The following INPP4B variants were observed in gnomAD, a reference collection of about 807,000 sequenced individuals.
INPP4B encodes inositol polyphosphate 4-phosphatase type II.
INPP4B carries 55 observed loss-of-function variants against 122.5 expected under a neutral mutation model. That is an observed-to-expected ratio of 0.45 (90% CI 0.36 to 0.56). The LOEUF is 0.56. Among genes scored for constraint, INPP4B ranks in the 20% least tolerant of loss-of-function variants. The pLI, the probability that INPP4B is intolerant of heterozygous loss-of-function variation, is 0.00. For missense variants in INPP4B, 1,000 were observed against 1,097.7 expected, an observed-to-expected ratio of 0.91 and a Z score of 1.26; for synonymous variants, 403 against 388.7, an observed-to-expected ratio of 1.04 and a Z score of -0.43.
At chr4:142,245,873 CATATATATGTGTATGTATACATAT>C (rs1727991346) in intron 11 of INPP4B, among the ~76,000 whole-genome samples, 1 of 27,148 alleles carries the variant, frequency 3.7e-5, no homozygotes, top group African/African-American at 9.6e-5. Context: ...TGTATGTATA[CATATATATGTGTATGTATACATAT>C]ATGTGTATGT....
intron 2 of INPP4B, among the ~76,000 whole-genome samples, chr4:142,610,729 T>TA (rs1277496540): frequency 6.6e-6 from 1 of 152,212 alleles, no homozygotes; most frequent in African/African-American, 2.4e-5. Flanking sequence ...ATATTGATCT[T>TA]AAACTTATTA....
chr4:142,316,361 G>A (rs1767656002), intron 7 of INPP4B, among the ~76,000 whole-genome samples: 1 of 152,132 alleles, frequency 6.6e-6, no homozygotes, highest in Non-Finnish European at 1.5e-5. Context: ...GTCATCAGCT[G>A]GCCTCAAAGG....
At chr4:142,233,036 A>T (rs927901593) in intron 12 of INPP4B, among the ~76,000 whole-genome samples, 2 of 152,198 alleles carry the variant, frequency 1.3e-5, no homozygotes, top group African/African-American at 4.8e-5. Context: ...CCCTCCTCAT[A>T]ACATAAAAGT....
rs542154654 is a variant in INPP4B, at chr4:142,803,848, GGACTTCGAAACCAGCCTGGCCAA to G, written c.-254+42338_-254+42360del. ...GAGACAGGCGGATCACATGAGGTCA[GGACTTCGAAACCAGCCTGGCCAA>G]GACGGTGAAATCCCGTCTCTACTAA... On this transcript the variant is annotated intron_variant, in intron 1 of 25. Transcript: ENST00000262992. Among the ~76,000 whole-genome samples the G allele has an allele frequency of 5.9e-5, 9 of 152,070 alleles. No homozygotes were observed. The South Asian group carries it at 1.9e-3, about 32-fold the overall frequency.
At chr4:142,628,364 G>A (rs1747035496) in intron 2 of INPP4B, among the ~76,000 whole-genome samples, 2 of 138,700 alleles carry the variant, frequency 1.4e-5, no homozygotes, top group Admixed American at 1.5e-4. Context: ...TGAACAATGA[G>A]ATCACATGGA....
intron 2 of INPP4B, among the ~76,000 whole-genome samples, chr4:142,492,633 CT>C (rs1015407352): frequency 3.3e-5 from 5 of 152,130 alleles, no homozygotes; most frequent in Non-Finnish European, 7.4e-5. Context: ...CATTTTGCCC[CT>C]GCCCTAGAGA....
chr4:142,459,823 T>C (rs1035915529), intron 3 of INPP4B, among the ~76,000 whole-genome samples: 2 of 152,226 alleles, frequency 1.3e-5, no homozygotes, highest in African/African-American at 2.4e-5. Flanking sequence ...CTTAGCAGCA[T>C]GCAAAGTTCT....
At chr4:142,596,788 C>A (rs1418987155) in intron 2 of INPP4B, among the ~76,000 whole-genome samples, 1 of 152,190 alleles carries the variant, frequency 6.6e-6, no homozygotes, top group Non-Finnish European at 1.5e-5. Context: ...GCTAAAGCAG[C>A]ATGCTTGCCC....
chr4:142,255,206 G>C (rs557844520), intron 11 of INPP4B, among the ~76,000 whole-genome samples: 1 of 151,682 alleles, frequency 6.6e-6, no homozygotes, highest in East Asian at 1.9e-4. Context: ...TGAAGGAAGC[G>C]CTAAACATGG....
chr4:142,745,343 C>G (rs898838379), intron 1 of INPP4B, among the ~76,000 whole-genome samples: 6 of 151,546 alleles, frequency 4.0e-5, no homozygotes, highest in Non-Finnish European at 5.9e-5. Context: ...GAAATGTAAA[C>G]AGAGAGAGAA....
At chr4:142,277,909 A>G (rs1044536918) in intron 9 of INPP4B, among the ~76,000 whole-genome samples, 5 of 151,866 alleles carry the variant, frequency 3.3e-5, no homozygotes, top group African/African-American at 1.2e-4. Context: ...AACTTGGGGG[A>G]AAGGGTAAGA....
chr4:142,246,108 A>AT (rs751414756), intron 11 of INPP4B, among the ~76,000 whole-genome samples: 49 of 145,546 alleles, frequency 3.4e-4, no homozygotes, highest in African/African-American at 4.8e-4. Context: ...GTATACACAC[A>AT]TATATATATG....
intron 2 of INPP4B, among the ~76,000 whole-genome samples, chr4:142,525,582 C>T: frequency 1.6e-5 from 1 of 63,910 alleles, no homozygotes; most frequent in Non-Finnish European, 3.7e-5. Context: ...AGAAATAACG[C>T]CGCATATCTA....
At chr4:142,509,461 A>G (rs780847553) in intron 2 of INPP4B, among the ~76,000 whole-genome samples, 3 of 151,732 alleles carry the variant, frequency 2.0e-5, no homozygotes, top group Non-Finnish European at 2.9e-5. Flanking sequence ...CCCACATGTG[A>G]GTGAGAACAT....
chr4:142,817,967 C>T (rs1780320215), intron 1 of INPP4B, among the ~76,000 whole-genome samples: 1 of 151,928 alleles, frequency 6.6e-6, no homozygotes, highest in Non-Finnish European at 1.5e-5. Context: ...AAATAAATGG[C>T]CCACTTTCTA....
chr4:142,394,485 T>C (rs568491709), intron 7 of INPP4B, among the ~76,000 whole-genome samples: 26 of 152,290 alleles, frequency 1.7e-4, no homozygotes, highest in African/African-American at 6.0e-4. Context: ...ACATTCTTAA[T>C]TTTTGTCTTT....
chr4:142,151,492 T>A (rs973722399), intron 17 of INPP4B, among the ~76,000 whole-genome samples: 6 of 152,208 alleles, frequency 3.9e-5, no homozygotes, highest in African/African-American at 1.4e-4. Flanking sequence ...CCTGGCCTTA[T>A]CTGGGAAAGG....
chr4:142,621,636 T>C (rs976190898), intron 2 of INPP4B, among the ~76,000 whole-genome samples: 2 of 151,978 alleles, frequency 1.3e-5, no homozygotes, highest in Non-Finnish European at 2.9e-5. Flanking sequence ...CAAGCATTTA[T>C]TTTTTAACAT....
chr4:142,162,258 C>CA (rs368173393), intron 16 of INPP4B, among the ~76,000 whole-genome samples: 36 of 146,298 alleles, frequency 2.5e-4, no homozygotes, highest in African/African-American at 7.5e-4. Context: ...ACTAGATAGG[C>CA]AAAAAAAAGA....
Sources: allele counts gnomAD v4.1 joint callset (sites outside exome capture counted in the v4.1 genomes callset), GRCh38; gene constraint gnomAD v4.1.1; transcripts MANE v1.5; gene names NCBI Gene and HGNC (gene_info 2026-07-23, HGNC 2026-07-21).